NLRC4: variants seen among roughly 807,000 people sequenced by gnomAD.
NLRC4 encodes NLR family CARD domain containing 4.
NLRC4 carries 63 observed loss-of-function variants against 79.9 expected under a neutral mutation model. The ratio of observed to expected loss-of-function variants is 0.79; its 90% CI spans 0.64 to 0.97. The LOEUF (loss-of-function observed/expected upper bound fraction) is 0.97. Ranked by LOEUF, NLRC4 falls within the 50% of genes least tolerant of loss-of-function variation. NLRC4 has a pLI of 0.00. For synonymous variants in NLRC4, 461 were observed against 456.5 expected (o/e 1.01, Z -0.12); for missense variants, 1,074 against 1,215.2 (o/e 0.88, Z 1.73).
At chr2:32,255,040 G>A (rs1448890155) in intron 2 of NLRC4, among the ~76,000 whole-genome samples, 2 of 151,818 alleles carry the variant, frequency 1.3e-5, no homozygotes, top group Non-Finnish European at 2.9e-5. Context: ...CCCCACCCCA[G>A]CCGTCCTTTC....
At position 32,241,032 on chromosome 2, in the gene NLRC4, C is replaced by G; in HGVS notation, c.2350+1G>C. 4 of 1,553,808 alleles carry G rather than the reference C, an allele frequency of 2.6e-6. No individual in the cohort carries two copies. Among genetic ancestry groups the G allele is most frequent in the Non-Finnish European group, 3.6e-6 (4 of 1,126,440 alleles). On this transcript the variant is annotated splice_donor_variant, in intron 5 of 8. Coordinates refer to ENST00000402280, the MANE Select transcript of NLRC4 (RefSeq NM_001199138.2). LOFTEE classifies it high-confidence loss of function. ...TACAAATATGAGAACAGAAATCTGA[C>G]CTAGTTTTATAGCATCTTCTTCATT... is the stretch of plus-strand genomic sequence containing the variant.
chr2:32,265,338 G>T (rs951335050), upstream of NLRC4, among the ~76,000 whole-genome samples: 1 of 151,940 alleles, frequency 6.6e-6, no homozygotes, highest in South Asian at 2.1e-4. Context: ...GCACCACCAT[G>T]CCCGGCTAAT....
chr2:32,251,487 A>G lies in NLRC4; in HGVS notation c.377T>C (p.Ile126Thr), dbSNP rs750365698. 19 of 1,614,044 alleles carry G rather than the reference A, an allele frequency of 1.2e-5. No homozygotes were observed. The highest frequency in any genetic ancestry group is 1.6e-5 in the Non-Finnish European group (19 of 1,180,010). Residue 126 changes from isoleucine (I) to threonine (T), a missense_variant, in exon 4 of 9, where the codon ATT (isoleucine) becomes ACT (threonine). Ile to Thr is a moderately conservative substitution (Grantham distance 89, BLOSUM62 -1). Coordinates refer to ENST00000402280, the MANE Select transcript of NLRC4 (RefSeq NM_001199138.2). ...GAAGGTGCTTTTCAAGTTAAAAATA[A>G]TGTCAATATCTTCACCAAGGGGATA... is the stretch of plus-strand genomic sequence containing the variant. Reference protein sequence around the residue: ...NFYPLGEDIDIIFNLKSTFTE... With the variant: ...NFYPLGEDIDTIFNLKSTFTE...
chr2:32,233,347 ATATTTTT>A (rs1332774926), intron 8 of NLRC4, among the ~76,000 whole-genome samples: 3,704 of 45,270 alleles, frequency 0.082, 53 homozygotes, highest in Admixed American at 0.13. Context: ...ATATATATAT[ATATTTTT>A]TTTTTTTTTT....
chr2:32,258,238 TC>T (rs1687254821), intron 1 of NLRC4, among the ~76,000 whole-genome samples: 1 of 152,196 alleles, frequency 6.6e-6, no homozygotes, highest in South Asian at 2.1e-4. Flanking sequence ...TGTGTGCTCT[TC>T]CGCCAGCATT....
Position 32,250,784 on chromosome 2 carries a change from T to A in NLRC4, c.1080A>T (p.Thr360=), listed in dbSNP as rs748510736. The change falls in exon 4 of 9, where the codon ACA becomes ACT. Residue 360 remains threonine (T), a synonymous_variant. Transcript: ENST00000402280. This position sits in a 1 kb window ranked among gnomAD's most constrained non-coding sequence, Gnocchi z 4.9. The part of the protein sequence containing the change: ...GESEFHSHTQ[T]TLFHTFYDLL... The stretch of plus-strand genomic sequence containing the variant: ...GATCATAGAAGGTATGGAACAGCGT[T>A]GTTTGTGTGTGAGAGTGGAACTCAC... The A allele has an allele frequency of 1.5e-5, 25 of 1,614,164 alleles. No individual in the cohort carries two copies. The highest frequency in any genetic ancestry group is 2.1e-5 in the Non-Finnish European group (25 of 1,179,998).
At chr2:32,231,676 C>G (rs2148931544) in intron 8 of NLRC4, among the ~76,000 whole-genome samples, 1 of 151,438 alleles carries the variant, frequency 6.6e-6, no homozygotes, top group East Asian at 2.0e-4. Flanking sequence ...CTCAAGCCAT[C>G]CTCCCACCTC....
intron 4 of NLRC4, among the ~76,000 whole-genome samples, chr2:32,247,416 G>C (rs1309521739): frequency 6.7e-6 from 1 of 150,202 alleles, no homozygotes; most frequent in Non-Finnish European, 1.5e-5. Flanking sequence ...CCAGGTTCAA[G>C]TGATTCTCCT....
intron 8 of NLRC4, among the ~76,000 whole-genome samples, chr2:32,227,222 ACC>A (rs1686425207): frequency 6.6e-6 from 1 of 151,740 alleles, no homozygotes; most frequent in African/African-American, 2.4e-5. Context: ...GAGGAAAACC[ACC>A]CCACCTGCCT....
chr2:32,224,536 C>T lies in NLRC4; in HGVS notation c.3012G>A (p.Gly1004=), dbSNP rs934509371. The T allele has an allele frequency of 1.2e-6, 2 of 1,613,448 alleles. No homozygotes were observed. Among genetic ancestry groups the T allele is most frequent in the Admixed American group, 1.7e-5 (1 of 59,880 alleles). Residue 1004 remains glycine, a synonymous_variant, in exon 9 of 9, where the codon GGG becomes GGA. Transcript: ENST00000402280. ...TGAGATCATCATCATCAAATTGCCA[C>T]CCAACAAGCCTAGCTTCTTGCAGAA... ...LTFLQEARLV[G]WQFDDDDLSV...
Position 32,251,421 on chromosome 2 carries a change from C to T in NLRC4, c.443G>A (p.Arg148His), listed in dbSNP as rs377088692. The T allele has an allele frequency of 6.2e-6, 10 of 1,613,938 alleles. No individual in the cohort carries two copies. The highest frequency in any genetic ancestry group is 2.2e-5 in the East Asian group (1 of 44,882). Residue 148 changes from arginine to histidine, a missense_variant, in exon 4 of 9, where the codon CGC (arginine) becomes CAC (histidine). Transcript: ENST00000402280. ...VLWRKDQHHH[R>H]VEQLTLNGLL... ...GCCATTCAGGGTCAGCTGCTCCACG[C>T]GGTGATGGTGTTGGTCCTTCCTCCA...
chr2:32,226,622 T>A (rs957451916), intron 8 of NLRC4, among the ~76,000 whole-genome samples: 3 of 152,226 alleles, frequency 2.0e-5, no homozygotes, highest in African/African-American at 4.8e-5. Context: ...GGCTCATGCC[T>A]ATAATCCCAG....
chr2:32,239,444 C>A (rs755586105), intron 5 of NLRC4, among the ~76,000 whole-genome samples: 1 of 151,984 alleles, frequency 6.6e-6, no homozygotes, highest in Admixed American at 6.6e-5. Context: ...GAGTATATAC[C>A]GGTTAAAGGT....
intron 1 of NLRC4, among the ~76,000 whole-genome samples, chr2:32,258,616 G>T (rs1163409725): frequency 6.6e-6 from 1 of 152,184 alleles, no homozygotes; most frequent in Admixed American, 6.5e-5. Flanking sequence ...AGCCTTGTAC[G>T]CCAAGATGAG....
At chr2:32,259,278 T>TTTTTTTTTTTTTTTTTTTTTTC (rs1687282957) in intron 1 of NLRC4, among the ~76,000 whole-genome samples, 1 of 132,716 alleles carries the variant, frequency 7.5e-6, no homozygotes, top group Non-Finnish European at 1.6e-5. Context: ...TTTTTTTTTT[T>TTTTTTTTTTTTTTTTTTTTTTC]TTTTTTTTTT....
intron 8 of NLRC4, among the ~76,000 whole-genome samples, chr2:32,233,134 G>GAGGA (rs763764067): frequency 0.035 from 1,175 of 33,646 alleles, 39 homozygotes; most frequent in Middle Eastern, 0.078. Flanking sequence ...GTGGGGGAGG[G>GAGGA]AGGAAGGAAG....
intron 8 of NLRC4, among the ~76,000 whole-genome samples, chr2:32,235,068 G>C (rs1490414282): frequency 1.3e-5 from 2 of 152,178 alleles, no homozygotes; most frequent in African/African-American, 4.8e-5. Flanking sequence ...TGAATACCCA[G>C]TAAGTAACTT....
chr2:32,255,232 C>A (rs1687178247), intron 2 of NLRC4, among the ~76,000 whole-genome samples: 1 of 152,086 alleles, frequency 6.6e-6, no homozygotes, highest in Non-Finnish European at 1.5e-5. Context: ...TAAAGAAATA[C>A]AGCCTCACCC....
Position 32,241,091 on chromosome 2 carries a change from G to T in NLRC4, c.2292C>A (p.Asn764Lys), listed in dbSNP as rs943288609. ...GLTDSLGNLK[N>K]LTKLIMDNIK... ...TGTTATCCATTATGAGCTTTGTAAGGTTCTTCAAGTTACCCAAGCTGTCAG... is the reference window on the plus strand; with the variant it reads ...TGTTATCCATTATGAGCTTTGTAAGTTTCTTCAAGTTACCCAAGCTGTCAG... The change falls in exon 5 of 9, where the codon AAC becomes AAA. Residue 764 changes from asparagine (N) to lysine (K), a missense_variant. By Grantham distance (94) the Asn-to-Lys change is moderately conservative. Transcript: ENST00000402280. 6 of 1,609,082 alleles carry T rather than the reference G, an allele frequency of 3.7e-6. No homozygotes were observed. In the South Asian group the frequency reaches 5.5e-5, roughly 15 times the overall value.
Sources: gnomAD v4.1 joint callset for allele counts (sites outside exome capture counted in the v4.1 genomes callset) on GRCh38, gnomAD v4.1.1 for gene constraint, Gnocchi (gnomAD v3.1) non-coding constraint, MANE v1.5 for transcripts, NCBI Gene and HGNC (gene_info 2026-07-23, HGNC 2026-07-21) for gene names.